DSCAML1: variants seen among roughly 807,000 people sequenced by gnomAD.
DSCAML1 encodes cell adhesion molecule DSCAML1.
A neutral mutation model predicts 200.5 loss-of-function variants in DSCAML1; 38 were observed. The ratio of observed to expected loss-of-function variants is 0.19; its 90% CI spans 0.15 to 0.25. DSCAML1 has a LOEUF of 0.25. DSCAML1 is among the 10% of genes least tolerant of loss of function. DSCAML1 has a pLI of 1.00. For missense variants in DSCAML1, 2,223 were observed against 2,858.8 expected (o/e 0.78, Z 5.07); for synonymous variants, 1,215 against 1,165.0 (o/e 1.04, Z -0.87).
At chr11:117,733,778 A>G (rs4142639) in intron 3 of DSCAML1, among the ~76,000 whole-genome samples, 15,199 of 145,664 alleles carry the variant, frequency 0.1, 1,420 homozygotes, top group African/African-American at 0.26. Flanking sequence ...TGCATGTAAA[A>G]CATGCATCTT....
intron 3 of DSCAML1, among the ~76,000 whole-genome samples, chr11:117,758,489 C>T (rs1313921380): frequency 6.6e-6 from 1 of 151,800 alleles, no homozygotes; most frequent in South Asian, 2.1e-4. Context: ...GCAAGCTCTG[C>T]CTCCCGGGTT....
intron 3 of DSCAML1, among the ~76,000 whole-genome samples, chr11:117,602,417 A>T (rs2051483009): frequency 6.6e-6 from 1 of 152,054 alleles, no homozygotes; most frequent in Non-Finnish European, 1.5e-5. Flanking sequence ...CTGCAGTGCA[A>T]AGGTGCAATC....
At chr11:117,502,945 C>T (rs1455858200) in intron 11 of DSCAML1, among the ~76,000 whole-genome samples, 2 of 152,120 alleles carry the variant, frequency 1.3e-5, no homozygotes, top group African/African-American at 2.4e-5. Flanking sequence ...CAGATTCATA[C>T]TTGGCCGGGT....
intron 3 of DSCAML1, among the ~76,000 whole-genome samples, chr11:117,641,804 G>C (rs964862367): frequency 1.6e-4 from 24 of 152,116 alleles, no homozygotes; most frequent in African/African-American, 5.8e-4. Context: ...CCTCCCTCAT[G>C]GAATGAAGGG....
chr11:117,579,667 G>T (rs747045145), intron 3 of DSCAML1, among the ~76,000 whole-genome samples: 29 of 152,258 alleles, frequency 1.9e-4, no homozygotes, highest in Middle Eastern at 6.8e-3. Flanking sequence ...TATTTTTCTG[G>T]CTTGTGGGTT....
At chr11:117,566,336 TTCTTTCTC>T (rs1430475774) in intron 3 of DSCAML1, among the ~76,000 whole-genome samples, 1 of 112,064 alleles carries the variant, frequency 8.9e-6, no homozygotes, top group Non-Finnish European at 2.0e-5. Context: ...TCCCTTTCTT[TTCTTTCTC>T]TCTCTCTCTC....
chr11:117,616,650 G>A (rs2051816584), intron 3 of DSCAML1, among the ~76,000 whole-genome samples: 1 of 152,182 alleles, frequency 6.6e-6, no homozygotes, highest in Admixed American at 6.5e-5. Context: ...TTGGGGAGGA[G>A]GGAGTTAGTG....
intron 3 of DSCAML1, among the ~76,000 whole-genome samples, chr11:117,573,834 C>G (rs759674728): frequency 6.6e-6 from 1 of 152,192 alleles, no homozygotes; most frequent in Non-Finnish European, 1.5e-5. Context: ...TGCCTCCTGC[C>G]CTGTTCCACC....
intron 8 of DSCAML1, among the ~76,000 whole-genome samples, chr11:117,511,927 G>A (rs2049627334): frequency 6.6e-6 from 1 of 152,280 alleles, no homozygotes; most frequent in African/African-American, 2.4e-5. Context: ...TCACACACAG[G>A]TCTCTGCACA....
Position 117,504,363 on chromosome 11 carries a change from T to C in DSCAML1, c.2183-342A>G, listed in dbSNP as rs2049451913. Among the ~76,000 whole-genome samples the C allele has an allele frequency of 6.6e-6, 1 of 152,190 alleles. No homozygotes were observed. The highest frequency in any genetic ancestry group is 1.5e-5 in the Non-Finnish European group (1 of 68,018). On this transcript the variant is annotated intron_variant, in intron 10 of 32. Coordinates refer to ENST00000651296, the MANE Select transcript of DSCAML1 (RefSeq NM_020693.4). The surrounding 1 kb of genome is among the most constrained non-coding windows in gnomAD (Gnocchi z 5.0). ...AGTTGGCTGCAGGTGGAGAGAAGAT[T>C]GAGCCTTCAAATGGCAGTTGTCTGG...
At chr11:117,475,257 G>A (rs1353802985) in intron 14 of DSCAML1, among the ~76,000 whole-genome samples, 1 of 152,178 alleles carries the variant, frequency 6.6e-6, no homozygotes, top group Non-Finnish European at 1.5e-5. Context: ...TTACAGGTGA[G>A]CATTCCATCT....
rs1295115337 is a variant in DSCAML1 at position 117,780,174 on chromosome 11, A to AG, written c.364+318_364+319insC. On this transcript the variant is annotated intron_variant, in intron 2 of 32. Coordinates refer to ENST00000651296, the MANE Select transcript of DSCAML1 (RefSeq NM_020693.4). This position sits in a 1 kb window ranked among gnomAD's most constrained non-coding sequence, Gnocchi z 4.8. Reference sequence around the variant, plus strand: ...GAGAGAGAGAGAAAGAAAGAAAGAAAAAAAGAAAAAAAGAAAGAAAGAAAG... The same window carrying AG: ...GAGAGAGAGAGAAAGAAAGAAAGAAAGAAAAGAAAAAAAGAAAGAAAGAAAG... Among the ~76,000 whole-genome samples the AG allele has an allele frequency of 2.7e-5, 3 of 110,538 alleles. No individual in the cohort carries two copies. The East Asian group carries it at 7.5e-4, about 28-fold the overall frequency. 72.5% of individuals were successfully genotyped at this position (110,538 alleles called of 152,430 possible).
At position 117,521,405 on chromosome 11, in the gene DSCAML1, T is replaced by TCTGGG; in HGVS notation, c.938-5_938-1dup (p.Asp313AlafsTer7). The TCTGGG allele has an allele frequency of 6.2e-7, 1 of 1,611,388 alleles. No homozygotes were observed. The highest frequency in any genetic ancestry group is 8.5e-7 in the Non-Finnish European group (1 of 1,177,976). ...TGGTGTCAGGGTCACATGAAGGGGATCTGGGCCGGGCCAGGGAGACGTGAG... is the reference window on the plus strand; with the variant it reads ...TGGTGTCAGGGTCACATGAAGGGGATCTGGGCTGGGCCGGGCCAGGGAGACGTGAG... On this transcript the variant is annotated frameshift_variant and splice_region_variant. Coordinates refer to ENST00000651296, the MANE Select transcript of DSCAML1 (RefSeq NM_020693.4). LOFTEE classifies it high-confidence loss of function.
intron 3 of DSCAML1, among the ~76,000 whole-genome samples, chr11:117,776,543 T>C (rs954599326): frequency 5.3e-5 from 8 of 152,044 alleles, no homozygotes; most frequent in Non-Finnish European, 1.0e-4. Context: ...TGGTGTCTGA[T>C]GGGACCCTCA....
intron 3 of DSCAML1, among the ~76,000 whole-genome samples, chr11:117,540,830 TTAAAG>T (rs1240221083): frequency 6.7e-6 from 1 of 148,208 alleles, no homozygotes; most frequent in African/African-American, 2.6e-5. Context: ...ACCCTGGAAC[TTAAAG>T]TACAGTAATA....
chr11:117,561,194 C>A (rs903420044), intron 3 of DSCAML1, among the ~76,000 whole-genome samples: 1 of 152,190 alleles, frequency 6.6e-6, no homozygotes, highest in African/African-American at 2.4e-5. Context: ...GGGAGGAGGA[C>A]CTGTGTCTTC....
At chr11:117,688,336 G>A (rs576436494) in intron 3 of DSCAML1, among the ~76,000 whole-genome samples, 3 of 152,310 alleles carry the variant, frequency 2.0e-5, no homozygotes, top group African/African-American at 7.2e-5. Context: ...GCAGTGGGGA[G>A]AGGGAGGGCT....
intron 21 of DSCAML1, among the ~76,000 whole-genome samples, chr11:117,442,054 ATGTG>A (rs1031325738): frequency 6.7e-6 from 1 of 150,286 alleles, no homozygotes; most frequent in African/African-American, 2.5e-5. Context: ...GTGTTAGTGT[ATGTG>A]TGTGCGCAGA....
intron 3 of DSCAML1, among the ~76,000 whole-genome samples, chr11:117,729,923 G>A (rs770132442): frequency 3.9e-5 from 6 of 152,244 alleles, no homozygotes; most frequent in Non-Finnish European, 5.9e-5. Flanking sequence ...GAGTCAGGCC[G>A]GGCGCAGTGG....
Sources: gnomAD v4.1 joint callset for allele counts (sites outside exome capture counted in the v4.1 genomes callset) on GRCh38, gnomAD v4.1.1 for gene constraint, Gnocchi (gnomAD v3.1) non-coding constraint, MANE v1.5 for transcripts, NCBI Gene and HGNC (gene_info 2026-07-23, HGNC 2026-07-21) for gene names.